Variants in SPATA17 observed in about 807,000 individuals in gnomAD.
SPATA17 encodes spermatogenesis associated 17.
A neutral mutation model predicts 62.2 loss-of-function variants in SPATA17; 53 were observed. The ratio of observed to expected loss-of-function variants is 0.85; its 90% CI spans 0.68 to 1.07. The LOEUF (loss-of-function observed/expected upper bound fraction) is 1.07. Ranked by LOEUF, SPATA17 falls within the 50% of genes least tolerant of loss-of-function variation. The pLI, the probability that SPATA17 is intolerant of heterozygous loss-of-function variation, is 0.00. For synonymous variants in SPATA17, 146 were observed against 146.8 expected, an observed-to-expected ratio of 0.99 and a Z score of 0.04; for missense variants, 466 against 425.5, an observed-to-expected ratio of 1.10 and a Z score of -0.84.
chr1:217,841,994 C>T (rs1210038969), intron 9 of SPATA17, among the ~76,000 whole-genome samples: 2 of 151,264 alleles, frequency 1.3e-5, no homozygotes, highest in Non-Finnish European at 3.0e-5. Flanking sequence ...AAGATGGTTC[C>T]TATGTTTTTG....
At chr1:217,850,400 A>G in intron 9 of SPATA17, 1 of 1,118,870 alleles carries the variant, frequency 8.9e-7, no homozygotes, top group Non-Finnish European at 1.3e-6. Context: ...AGACTGAAGA[A>G]CTAACAGCCA....
intron 9 of SPATA17, among the ~76,000 whole-genome samples, chr1:217,819,280 G>C (rs1236747138): frequency 6.6e-6 from 1 of 151,558 alleles, no homozygotes; most frequent in Non-Finnish European, 1.5e-5. Flanking sequence ...TTTTCTGTTA[G>C]TATGGTAAAT....
chr1:217,638,221 C>A (rs763193576), intron 1 of SPATA17, among the ~76,000 whole-genome samples: 6 of 151,960 alleles, frequency 3.9e-5, no homozygotes, highest in Non-Finnish European at 5.9e-5. Flanking sequence ...GTGAAGTGTA[C>A]AACTCAGTAA....
intron 5 of SPATA17, among the ~76,000 whole-genome samples, chr1:217,709,905 C>T (rs1021725144): frequency 1.3e-5 from 2 of 152,046 alleles, no homozygotes; most frequent in African/African-American, 2.4e-5. Context: ...ATTACTTATA[C>T]CAGCAACAAT....
chr1:217,800,019 C>T (rs931109385), intron 8 of SPATA17, among the ~76,000 whole-genome samples: 1 of 151,896 alleles, frequency 6.6e-6, no homozygotes, highest in African/African-American at 2.4e-5. Flanking sequence ...ACCGTATCTC[C>T]TTTGATTATA....
intron 3 of SPATA17, among the ~76,000 whole-genome samples, chr1:217,652,415 G>C (rs1416494642): frequency 6.6e-6 from 1 of 152,038 alleles, no homozygotes; most frequent in Non-Finnish European, 1.5e-5. Context: ...TGTGTTTTTA[G>C]TAGAGACAGG....
intron 6 of SPATA17, among the ~76,000 whole-genome samples, chr1:217,759,916 A>T (rs1280312374): frequency 6.6e-6 from 1 of 152,228 alleles, no homozygotes; most frequent in African/African-American, 2.4e-5. Flanking sequence ...TTAAGTTGCT[A>T]TACTGTCCTT....
chr1:217,659,132 A>C (rs1318598821), intron 3 of SPATA17, among the ~76,000 whole-genome samples: 1 of 151,970 alleles, frequency 6.6e-6, no homozygotes, highest in Non-Finnish European at 1.5e-5. Flanking sequence ...TGTATTATCT[A>C]TTAAATAAAT....
At chr1:217,721,676 C>T (rs1201920784) in intron 5 of SPATA17, among the ~76,000 whole-genome samples, 4 of 152,068 alleles carry the variant, frequency 2.6e-5, no homozygotes, top group Admixed American at 1.3e-4. Context: ...CTGGCTTATC[C>T]CTTAAAGGAT....
intron 9 of SPATA17, among the ~76,000 whole-genome samples, chr1:217,809,569 G>A (rs1277952057): frequency 7.0e-6 from 1 of 143,618 alleles, no homozygotes; most frequent in Non-Finnish European, 1.5e-5. Context: ...CCCAAGAGGC[G>A]CATTGGATTT....
At chr1:217,698,643 T>C (rs1407521359) in intron 5 of SPATA17, among the ~76,000 whole-genome samples, 2 of 151,118 alleles carry the variant, frequency 1.3e-5, no homozygotes, top group Non-Finnish European at 2.9e-5. Flanking sequence ...AGAACTAGAG[T>C]ACAATATCAC....
At chr1:217,735,451 G>C (rs979196352) in intron 5 of SPATA17, among the ~76,000 whole-genome samples, 1 of 152,094 alleles carries the variant, frequency 6.6e-6, no homozygotes, top group African/African-American at 2.4e-5. Context: ...CCTCCCAAAG[G>C]CCCCACCTCC....
At chr1:217,676,215 G>A (rs1194857844) in intron 4 of SPATA17, among the ~76,000 whole-genome samples, 9 of 152,112 alleles carry the variant, frequency 5.9e-5, no homozygotes, top group Non-Finnish European at 1.0e-4. Flanking sequence ...CCTATTGCCA[G>A]CATCAGGATT....
At chr1:217,772,465 A>C (rs1673474513) in intron 6 of SPATA17, among the ~76,000 whole-genome samples, 1 of 152,216 alleles carries the variant, frequency 6.6e-6, no homozygotes, top group Admixed American at 6.5e-5. Context: ...AAATAGAAAA[A>C]TTTGAGTTGG....
intron 9 of SPATA17, among the ~76,000 whole-genome samples, chr1:217,803,319 TA>T (rs1674360409): frequency 6.6e-6 from 1 of 152,126 alleles, no homozygotes; most frequent in Non-Finnish European, 1.5e-5. Context: ...AAGGAAGACA[TA>T]AAATTGTTTG....
intron 9 of SPATA17, among the ~76,000 whole-genome samples, chr1:217,802,868 T>A (rs1674346048): frequency 6.6e-6 from 1 of 152,148 alleles, no homozygotes; most frequent in Admixed American, 6.5e-5. Context: ...CACTCTAAAG[T>A]CTAAAGTCAT....
At chr1:217,746,707 T>C (rs1442482387) in intron 6 of SPATA17, among the ~76,000 whole-genome samples, 1 of 151,968 alleles carries the variant, frequency 6.6e-6, no homozygotes, top group Admixed American at 6.6e-5. Context: ...CTATCACTAA[T>C]TTTTGATGGT....
At chr1:217,769,787 G>GAA (rs1673392310) in intron 6 of SPATA17, among the ~76,000 whole-genome samples, 1 of 152,040 alleles carries the variant, frequency 6.6e-6, no homozygotes, top group Non-Finnish European at 1.5e-5. Flanking sequence ...TATTCCTTCT[G>GAA]GGGTACTATA....
intron 9 of SPATA17, among the ~76,000 whole-genome samples, chr1:217,813,245 G>A (rs945914225): frequency 4.6e-5 from 7 of 152,206 alleles, no homozygotes; most frequent in South Asian, 4.2e-4. Context: ...CATTGCACCC[G>A]GTGATTGAAT....
Sources: allele counts gnomAD v4.1 joint callset (sites outside exome capture counted in the v4.1 genomes callset), GRCh38; gene constraint gnomAD v4.1.1; transcripts MANE v1.5; gene names NCBI Gene and HGNC (gene_info 2026-07-23, HGNC 2026-07-21).